PBX3: variants seen among roughly 807,000 people sequenced by gnomAD.
PBX3 encodes the protein PBX homeobox 3, also known as pre-B-cell leukemia transcription factor 3.
Under a neutral mutation model 48.5 loss-of-function variants are expected in PBX3, and 14 were observed. The ratio of observed to expected loss-of-function variants is 0.29; its 90% CI spans 0.19 to 0.45. The LOEUF (loss-of-function observed/expected upper bound fraction) is 0.45. Among genes scored for constraint, PBX3 ranks in the 20% least tolerant of loss-of-function variants. The pLI, the probability that PBX3 is intolerant of heterozygous loss-of-function variation, is 1.00. For synonymous variants in PBX3, 210 were observed against 200.3 expected, an observed-to-expected ratio of 1.05 and a Z score of -0.41; for missense variants, 386 against 546.7, an observed-to-expected ratio of 0.71 and a Z score of 2.93.
chr9:125,816,483 G>A (rs558599662), intron 2 of PBX3, among the ~76,000 whole-genome samples: 1 of 152,326 alleles, frequency 6.6e-6, no homozygotes, highest in South Asian at 2.1e-4. Context: ...TGTTCGGAGT[G>A]ATTTTATCTG....
At chr9:125,877,449 G>A (rs1177251953) in intron 2 of PBX3, among the ~76,000 whole-genome samples, 1 of 152,122 alleles carries the variant, frequency 6.6e-6, no homozygotes, top group African/African-American at 2.4e-5. Context: ...CACACCAGAT[G>A]GCATTAGCTC....
Position 125,899,196 on chromosome 9 carries a change from TATATATTTATAAATATAC to T in PBX3, c.275-16485_275-16468del, listed in dbSNP as rs1304730296. Among the ~76,000 whole-genome samples, 318 of 143,206 alleles carry T rather than the reference TATATATTTATAAATATAC, an allele frequency of 2.2e-3. 1 individual carries two copies. The highest frequency in any genetic ancestry group is 3.6e-3 in the Middle Eastern group (1 of 278). 93.9% of individuals were successfully genotyped at this position (143,206 alleles called of 152,430 possible). A position where few individuals can be genotyped will look rare whatever the true frequency, so the allele number is the denominator to read the frequency against. On this transcript the variant is annotated intron_variant, in intron 2 of 8. Transcript: ENST00000373489. ...TGTACTTCACATTCTTTAGATGATA[TATATATTTATAAATATAC>T]ATATGTATATATATTTATATATAAA... is the stretch of plus-strand genomic sequence containing the variant.
At chr9:125,747,676 T>A in intron 1 of PBX3, 23 bp downstream of exon 1, 3 of 1,546,180 alleles carry the variant, frequency 1.9e-6, no homozygotes, top group Non-Finnish European at 2.6e-6. Flanking sequence ...TCATTAAGCA[T>A]CTTTTGTGTG....
chr9:125,808,877 A>G (rs1339556036), intron 2 of PBX3, among the ~76,000 whole-genome samples: 1 of 152,160 alleles, frequency 6.6e-6, no homozygotes, highest in Non-Finnish European at 1.5e-5. Flanking sequence ...CTCTCAGCCA[A>G]CAGCACTGTA....
intron 2 of PBX3, among the ~76,000 whole-genome samples, chr9:125,789,501 C>A (rs528413728): frequency 6.6e-6 from 1 of 152,296 alleles, no homozygotes; most frequent in East Asian, 1.9e-4. Flanking sequence ...TACTTGGGCC[C>A]CCCATTTTAG....
At chr9:125,961,368 G>A (rs1842427221) in intron 6 of PBX3, among the ~76,000 whole-genome samples, 1 of 152,188 alleles carries the variant, frequency 6.6e-6, no homozygotes, top group Admixed American at 6.5e-5. Context: ...GGGTTATGGT[G>A]CTTAATACAT....
At chr9:125,785,978 G>C (rs1201061758) in intron 2 of PBX3, among the ~76,000 whole-genome samples, 1 of 147,764 alleles carries the variant, frequency 6.8e-6, no homozygotes, top group East Asian at 2.1e-4. Flanking sequence ...TTACATGGTT[G>C]CTGTAAACCT....
chr9:125,929,017 T>G (rs1481100499), intron 3 of PBX3, among the ~76,000 whole-genome samples: 1 of 152,238 alleles, frequency 6.6e-6, no homozygotes, highest in Admixed American at 6.5e-5. Context: ...TGCAACATAC[T>G]GTTATTTCTA....
At chr9:125,801,796 C>CACACACAT (rs1374514031) in intron 2 of PBX3, among the ~76,000 whole-genome samples, 2 of 150,662 alleles carry the variant, frequency 1.3e-5, no homozygotes, top group Admixed American at 6.6e-5. Context: ...CACATACACA[C>CACACACAT]ACACACACAC....
chr9:125,865,199 A>G (rs1839950891), intron 2 of PBX3: 1 of 168,734 alleles, frequency 5.9e-6, no homozygotes, highest in Non-Finnish European at 1.5e-5. Context: ...ATTGTGAGGA[A>G]AAATGATTTT....
intron 2 of PBX3, among the ~76,000 whole-genome samples, chr9:125,868,586 C>T (rs745430757): frequency 1.4e-4 from 21 of 152,146 alleles, no homozygotes; most frequent in Non-Finnish European, 2.8e-4. Flanking sequence ...TCTGTCAGTG[C>T]TGACCTAGAA....
rs546077532 is a variant in PBX3 at position 125,759,521 on chromosome 9, A to G, written c.274+10898A>G. 6.6e-6 allele frequency among the ~76,000 whole-genome samples: 1 copy of G among 152,370 alleles called. No homozygotes were observed. The highest frequency in any genetic ancestry group is 2.1e-4 in the South Asian group (1 of 4,834). ...AAAGGAGAAGTTGTCAATGAAAGAA[A>G]AAGAACTGTAATCGCACATTTACAT... On this transcript the variant is annotated intron_variant, in intron 2 of 8. Coordinates refer to ENST00000373489, the MANE Select transcript of PBX3 (RefSeq NM_006195.6). The surrounding 1 kb of genome is among the most constrained non-coding windows in gnomAD (Gnocchi z 4.2).
At chr9:125,904,189 C>T (rs1841016550) in intron 2 of PBX3, among the ~76,000 whole-genome samples, 3 of 151,788 alleles carry the variant, frequency 2.0e-5, no homozygotes, top group South Asian at 4.1e-4. Context: ...ATTATAGTCT[C>T]GTACTTCATC....
At chr9:125,813,166 C>T (rs1434941257) in intron 2 of PBX3, among the ~76,000 whole-genome samples, 1 of 152,012 alleles carries the variant, frequency 6.6e-6, no homozygotes, top group Non-Finnish European at 1.5e-5. Context: ...TAGCTTAAAA[C>T]ACATTGTACA....
chr9:125,906,180 C>T (rs1235421370), intron 2 of PBX3, among the ~76,000 whole-genome samples: 1 of 151,930 alleles, frequency 6.6e-6, no homozygotes. Flanking sequence ...GTTCATGTTT[C>T]CTATAATCAT....
intron 2 of PBX3, among the ~76,000 whole-genome samples, chr9:125,803,797 A>G (rs1237488523): frequency 1.3e-5 from 2 of 152,190 alleles, no homozygotes; most frequent in Non-Finnish European, 2.9e-5. Flanking sequence ...GTACTCATCT[A>G]CCTCTAATTT....
intron 2 of PBX3, among the ~76,000 whole-genome samples, chr9:125,884,061 T>G (rs972157931): frequency 2.6e-5 from 4 of 152,182 alleles, no homozygotes; most frequent in Non-Finnish European, 5.9e-5. Context: ...AATTAATCCT[T>G]AATTACAGTA....
intron 2 of PBX3, among the ~76,000 whole-genome samples, chr9:125,885,653 G>GA (rs1177763030): frequency 1.3e-5 from 2 of 152,086 alleles, no homozygotes; most frequent in Non-Finnish European, 1.5e-5. Flanking sequence ...GTTTAGAAGA[G>GA]AGAATGTTCT....
intron 4 of PBX3, among the ~76,000 whole-genome samples, chr9:125,930,715 T>C (rs1019174748): frequency 6.6e-6 from 1 of 152,242 alleles, no homozygotes; most frequent in African/African-American, 2.4e-5. Context: ...TATTTTCATC[T>C]CAGTTCCTGC....
Sources: allele counts gnomAD v4.1 joint callset (sites outside exome capture counted in the v4.1 genomes callset), GRCh38; gene constraint gnomAD v4.1.1; non-coding constraint Gnocchi (gnomAD v3.1); transcripts MANE v1.5; gene names NCBI Gene and HGNC (gene_info 2026-07-23, HGNC 2026-07-21).